Variants in GRID1 observed in about 807,000 individuals in gnomAD.
The protein encoded by GRID1 is glutamate ionotropic receptor delta type subunit 1.
Under a neutral mutation model 98.0 loss-of-function variants are expected in GRID1, and 28 were observed. That is an observed-to-expected ratio of 0.29 (90% CI 0.21 to 0.39). The LOEUF is 0.39. Among genes scored for constraint, GRID1 ranks in the 10% least tolerant of loss-of-function variants. GRID1 has a pLI of 1.00. For missense variants in GRID1, 1,111 were observed against 1,340.5 expected (o/e 0.83, Z 2.67); for synonymous variants, 553 against 538.5 (o/e 1.03, Z -0.37).
chr10:86,180,246 GTGA>G (rs1845636480), intron 3 of GRID1, among the ~76,000 whole-genome samples: 1 of 152,146 alleles, frequency 6.6e-6, no homozygotes, highest in African/African-American at 2.4e-5. Context: ...GGGGCCCGCA[GTGA>G]TTGGCTCAGC....
intron 13 of GRID1, among the ~76,000 whole-genome samples, chr10:85,637,600 G>A (rs1335063380): frequency 2.6e-5 from 4 of 152,198 alleles, no homozygotes; most frequent in African/African-American, 4.8e-5. Context: ...TACACATTTA[G>A]TAGAAATAAA....
At chr10:86,229,590 T>C (rs1846415777) in intron 2 of GRID1, among the ~76,000 whole-genome samples, 1 of 152,146 alleles carries the variant, frequency 6.6e-6, no homozygotes, top group Non-Finnish European at 1.5e-5. Context: ...GTGGGTGCAC[T>C]TCTGGGAGTA....
chr10:86,067,757 G>C (rs1360580615), intron 4 of GRID1, among the ~76,000 whole-genome samples: 2 of 152,104 alleles, frequency 1.3e-5, no homozygotes, highest in Non-Finnish European at 2.9e-5. Context: ...GAGCACTATG[G>C]GGCACAAAAC....
chr10:86,019,678 G>C (rs1294037914), intron 4 of GRID1, among the ~76,000 whole-genome samples: 3 of 152,258 alleles, frequency 2.0e-5, no homozygotes, highest in African/African-American at 7.2e-5. Flanking sequence ...TTCAGAGAAG[G>C]TGTGTGACTT....
chr10:85,869,569 T>C (rs769743639), intron 5 of GRID1, among the ~76,000 whole-genome samples: 4 of 152,238 alleles, frequency 2.6e-5, no homozygotes, highest in Non-Finnish European at 5.9e-5. Flanking sequence ...TTCTCTGCCA[T>C]AGTTGATCAA....
chr10:86,219,753 G>C (rs1020107981), intron 2 of GRID1, among the ~76,000 whole-genome samples: 2 of 152,172 alleles, frequency 1.3e-5, no homozygotes. Flanking sequence ...GTGGACTGTT[G>C]TCCACATTTA....
chr10:85,770,457 G>A (rs903944801), intron 8 of GRID1, among the ~76,000 whole-genome samples: 3 of 152,310 alleles, frequency 2.0e-5, no homozygotes, highest in South Asian at 2.1e-4. Flanking sequence ...CATGAGCAAC[G>A]GAACAAAGCT....
At chr10:85,800,820 C>T (rs1842568486) in intron 8 of GRID1, among the ~76,000 whole-genome samples, 1 of 151,908 alleles carries the variant, frequency 6.6e-6, no homozygotes, top group Admixed American at 6.6e-5. Context: ...GGATATAATT[C>T]CCACTTTACA....
intron 12 of GRID1, among the ~76,000 whole-genome samples, chr10:85,718,197 A>G (rs1337665613): frequency 6.6e-6 from 1 of 152,332 alleles, no homozygotes; most frequent in Middle Eastern, 3.4e-3. Context: ...GACTCTGTGT[A>G]GGGACTCCAC....
intron 3 of GRID1, among the ~76,000 whole-genome samples, chr10:86,162,390 C>A (rs881344): frequency 0.14 from 21,429 of 152,104 alleles, 1,652 homozygotes; most frequent in Middle Eastern, 0.23. Flanking sequence ...CATACATCCC[C>A]ATCCCAGCCA....
intron 2 of GRID1, among the ~76,000 whole-genome samples, chr10:86,264,394 C>T (rs1847070501): frequency 1.3e-5 from 2 of 152,220 alleles, no homozygotes; most frequent in African/African-American, 4.8e-5. Flanking sequence ...GTACCCCTGC[C>T]CCATAGGCTG....
chr10:85,614,199 T>TA (rs1262793569), intron 14 of GRID1, among the ~76,000 whole-genome samples: 1 of 152,134 alleles, frequency 6.6e-6, no homozygotes, highest in African/African-American at 2.4e-5. Context: ...TCACTGACCC[T>TA]AAAAAAATTA....
At chr10:85,875,048 G>A (rs914371935) in intron 5 of GRID1, among the ~76,000 whole-genome samples, 2 of 151,744 alleles carry the variant, frequency 1.3e-5, no homozygotes, top group African/African-American at 4.8e-5. Context: ...TTTTTATTTT[G>A]TTTGTATTTT....
chr10:85,626,548 A>G (rs1032603996), intron 13 of GRID1, among the ~76,000 whole-genome samples: 3 of 152,188 alleles, frequency 2.0e-5, no homozygotes, highest in Non-Finnish European at 4.4e-5. Flanking sequence ...TTCTCTGTAC[A>G]TCAGGGACTC....
intron 4 of GRID1, among the ~76,000 whole-genome samples, chr10:86,092,285 GA>G (rs1232058246): frequency 1.3e-5 from 2 of 151,916 alleles, no homozygotes; most frequent in African/African-American, 4.8e-5. Context: ...TTAGCTTAAA[GA>G]AAAAAAATTC....
intron 2 of GRID1, among the ~76,000 whole-genome samples, chr10:86,296,132 C>T (rs566519500): frequency 6.6e-6 from 1 of 152,236 alleles, no homozygotes; most frequent in African/African-American, 2.4e-5. Flanking sequence ...TCTCCAATGT[C>T]CCCATACACT....
chr10:85,895,014 A>ATATATATAT (rs1322282990), intron 5 of GRID1, among the ~76,000 whole-genome samples: 15 of 108,652 alleles, frequency 1.4e-4, no homozygotes, highest in African/African-American at 3.8e-4. Context: ...AAAAAAAAAA[A>ATATATATAT]AAATATATAT....
At chr10:85,667,187 C>T (rs1228653430) in intron 12 of GRID1, among the ~76,000 whole-genome samples, 1 of 152,102 alleles carries the variant, frequency 6.6e-6, no homozygotes, top group East Asian at 1.9e-4. Flanking sequence ...CCACATCTAG[C>T]ACATGGGAAG....
intron 8 of GRID1, among the ~76,000 whole-genome samples, chr10:85,828,850 T>C (rs1026662681): frequency 2.0e-5 from 3 of 152,120 alleles, no homozygotes; most frequent in Non-Finnish European, 2.9e-5. Flanking sequence ...CAGGACTAGA[T>C]GGATTAACAG....
Sources: allele counts gnomAD v4.1 joint callset (sites outside exome capture counted in the v4.1 genomes callset), GRCh38; gene constraint gnomAD v4.1.1; transcripts MANE v1.5; gene names NCBI Gene and HGNC (gene_info 2026-07-23, HGNC 2026-07-21).